Variants in ARHGEF12 observed in about 807,000 individuals in gnomAD.
The protein encoded by ARHGEF12 is Rho guanine nucleotide exchange factor 12.
Under a neutral mutation model 211.2 loss-of-function variants are expected in ARHGEF12, and 66 were observed. That is an observed-to-expected ratio of 0.31 (90% CI 0.26 to 0.38). The LOEUF (loss-of-function observed/expected upper bound fraction) is 0.38. Ranked by LOEUF, ARHGEF12 falls within the 10% of genes least tolerant of loss-of-function variation. ARHGEF12 has a pLI of 1.00. For synonymous variants in ARHGEF12, 592 were observed against 638.4 expected (o/e 0.93, Z 1.09); for missense variants, 1,429 against 1,869.5 (o/e 0.76, Z 4.34).
intron 7 of ARHGEF12, among the ~76,000 whole-genome samples, chr11:120,426,550 GA>G (rs1485112011): frequency 6.6e-6 from 1 of 152,282 alleles, no homozygotes; most frequent in East Asian, 1.9e-4. Context: ...GAAAGGAAGG[GA>G]AAAGCTAGGA....
At chr11:120,415,159 G>A (rs1193788044) in intron 4 of ARHGEF12, among the ~76,000 whole-genome samples, 1 of 152,148 alleles carries the variant, frequency 6.6e-6, no homozygotes, top group East Asian at 1.9e-4. Context: ...TAAAAGTGAT[G>A]AAAGCTGGTT....
rs1307468302 is a variant in ARHGEF12, at chr11:120,458,072, C to T, written c.2226-8C>T. 3.1e-6 allele frequency: 5 copies of T among 1,595,496 alleles called. No homozygotes were observed. Among genetic ancestry groups the T allele is most frequent in the African/African-American group, 2.7e-5 (2 of 73,486 alleles). On this transcript the variant is annotated splice_polypyrimidine_tract_variant and splice_region_variant and intron_variant, in intron 24 of 40. Transcript: ENST00000397843. Reference sequence around the variant, plus strand: ...CTTCAAATTGAATTCACTCTTTTTTCTTCATAGGTTTGACAGTGTAGCTTT... The same window carrying T: ...CTTCAAATTGAATTCACTCTTTTTTTTTCATAGGTTTGACAGTGTAGCTTT...
intron 8 of ARHGEF12, among the ~76,000 whole-genome samples, chr11:120,428,678 GA>G (rs1261970488): frequency 6.6e-6 from 1 of 152,168 alleles, no homozygotes; most frequent in Non-Finnish European, 1.5e-5. Flanking sequence ...ATACAAGGCA[GA>G]ATGTAGACAT....
At chr11:120,473,024 T>G in intron 30 of ARHGEF12, 26 bp from the exon 31 acceptor site, 1 of 1,609,738 alleles carries the variant, frequency 6.2e-7, no homozygotes, top group Admixed American at 1.7e-5. Flanking sequence ...AGCACTAACC[T>G]TGGTTCCACC....
intron 2 of ARHGEF12, 29 bp downstream of exon 2, chr11:120,406,170 C>G: frequency 1.4e-6 from 2 of 1,458,560 alleles, no homozygotes; most frequent in Non-Finnish European, 1.8e-6. Context: ...ACTTCATACT[C>G]AAGTTTAGGT....
At chr11:120,390,854 T>C (rs1453268250) in intron 1 of ARHGEF12, among the ~76,000 whole-genome samples, 1 of 152,206 alleles carries the variant, frequency 6.6e-6, no homozygotes, top group Non-Finnish European at 1.5e-5. Flanking sequence ...GTTACTTAAC[T>C]TCTCAGAACC....
At chr11:120,402,590 C>T (rs1005438916) in intron 1 of ARHGEF12, among the ~76,000 whole-genome samples, 2 of 152,164 alleles carry the variant, frequency 1.3e-5, no homozygotes, top group Admixed American at 1.3e-4. Flanking sequence ...TTCATTTCAA[C>T]CATTCCTTAT....
At chr11:120,448,572 C>G in intron 20 of ARHGEF12, 1 of 533,668 alleles carries the variant, frequency 1.9e-6, no homozygotes, top group South Asian at 2.6e-5. Flanking sequence ...TAGCAGTTTA[C>G]AAAGAGTGCT....
At chr11:120,431,077 G>T (rs544897701) in intron 10 of ARHGEF12, among the ~76,000 whole-genome samples, 3 of 152,152 alleles carry the variant, frequency 2.0e-5, no homozygotes, top group Admixed American at 6.5e-5. Flanking sequence ...ATCATCTGAG[G>T]TCGGGAGTTT....
In ARHGEF12 at chr11:120,428,102, G is replaced by A. The variant is rs746485355; in HGVS notation, c.440G>A (p.Arg147His). The A allele has an allele frequency of 6.8e-6, 11 of 1,606,466 alleles. No individual in the cohort carries two copies. The African/African-American group carries it at 9.4e-5, about 14-fold the overall frequency. ...TATGTAGCTCTCACTGTTCAGGGAC[G>A]CCCACCTGGGTCGCCCCAGATTCCA... ...GSYVALTVQG[R>H]PPGSPQIPLA... Residue 147 changes from arginine (R) to histidine (H), a missense_variant, in exon 8 of 41, where the codon CGC becomes CAC. This residue lies in a region of ARHGEF12 where 254 missense variants were observed against 286.4 expected (regional missense o/e 0.89). Coordinates refer to ENST00000397843, the MANE Select transcript of ARHGEF12 (RefSeq NM_015313.3).
rs993633672 is a variant in ARHGEF12, at chr11:120,485,186, G to A, written c.*109G>A. 7.0e-5 allele frequency: 100 copies of A among 1,428,268 alleles called. No individual in the cohort carries two copies. The highest frequency in any genetic ancestry group is 2.0e-4 in the South Asian group (17 of 84,196). The allele number at this position is 1,428,268 out of a possible 1,614,324, so 88.5% of individuals were successfully genotyped here. ...GCAGAGAGAGTGTGACAGAGGATCTGCCTGTGAACCACCTGGGATTAGTCA... is the reference window on the plus strand; with the variant it reads ...GCAGAGAGAGTGTGACAGAGGATCTACCTGTGAACCACCTGGGATTAGTCA... On this transcript the variant is annotated 3_prime_UTR_variant, in exon 41 of 41. Coordinates refer to ENST00000397843, the MANE Select transcript of ARHGEF12 (RefSeq NM_015313.3).
chr11:120,441,462 C>T (rs894488405), intron 13 of ARHGEF12, among the ~76,000 whole-genome samples: 3 of 152,136 alleles, frequency 2.0e-5, no homozygotes, highest in African/African-American at 7.2e-5. Flanking sequence ...ACTTGATAAT[C>T]GTCTCCTAAA....
At chr11:120,368,852 C>G (rs1178886566) in intron 1 of ARHGEF12, among the ~76,000 whole-genome samples, 2 of 151,978 alleles carry the variant, frequency 1.3e-5, no homozygotes, top group South Asian at 4.2e-4. Context: ...GCCTAGTACC[C>G]AAAAGTTATT....
At chr11:120,418,851 C>G (rs1316413121) in intron 4 of ARHGEF12, among the ~76,000 whole-genome samples, 1 of 151,780 alleles carries the variant, frequency 6.6e-6, no homozygotes, top group African/African-American at 2.4e-5. Flanking sequence ...GTATTTTGCC[C>G]CCTTTAACAT....
intron 25 of ARHGEF12, chr11:120,458,905 G>C (rs142836090): frequency 9.5e-6 from 2 of 210,124 alleles, no homozygotes; most frequent in Non-Finnish European, 1.9e-5. Flanking sequence ...TGATAGGTGG[G>C]TATTATTGTA....
chr11:120,445,764 G>T (rs115493938), intron 16 of ARHGEF12, among the ~76,000 whole-genome samples: 2 of 152,130 alleles, frequency 1.3e-5, no homozygotes, highest in Non-Finnish European at 2.9e-5. Flanking sequence ...CTGGCATGAT[G>T]GTGCATGCCT....
intron 2 of ARHGEF12, among the ~76,000 whole-genome samples, chr11:120,406,506 T>G (rs1944707804): frequency 6.6e-6 from 1 of 152,144 alleles, no homozygotes. Context: ...ATAATTGCCT[T>G]TAGTTAATGT....
intron 22 of ARHGEF12, among the ~76,000 whole-genome samples, chr11:120,454,293 AAG>A (rs1946298732): frequency 6.6e-6 from 1 of 152,216 alleles, no homozygotes; most frequent in African/African-American, 2.4e-5. Context: ...CAATGACATA[AAG>A]AGAGAATACA....
chr11:120,419,211 C>T (rs1210620596), intron 4 of ARHGEF12, among the ~76,000 whole-genome samples: 2 of 151,882 alleles, frequency 1.3e-5, no homozygotes, highest in Non-Finnish European at 2.9e-5. Context: ...CCGCCCTTCT[C>T]GGCCTCCCAA....
Sources: gnomAD v4.1 joint callset for allele counts (sites outside exome capture counted in the v4.1 genomes callset) on GRCh38, gnomAD v4.1.1 for gene constraint, gnomAD v4.1.1 regional missense constraint, MANE v1.5 for transcripts, NCBI Gene and HGNC (gene_info 2026-07-23, HGNC 2026-07-21) for gene names.